The following SASH1 variants were observed in gnomAD, a reference collection of about 807,000 sequenced individuals.
SASH1 encodes SAM and SH3 domain containing 1.
SASH1 carries 44 observed loss-of-function variants against 125.2 expected under a neutral mutation model. The observed-to-expected ratio is 0.35, with a 90% CI of 0.28 to 0.45. SASH1 has a LOEUF of 0.45. Ranked by LOEUF, SASH1 falls within the 20% of genes least tolerant of loss-of-function variation. The pLI is 1.00. For synonymous variants in SASH1, 639 were observed against 649.1 expected (o/e 0.98, Z 0.24); for missense variants, 1,426 against 1,614.5 (o/e 0.88, Z 2.00).
At chr6:148,461,115 T>A (rs1221996969) in intron 4 of SASH1, among the ~76,000 whole-genome samples, 1 of 152,218 alleles carries the variant, frequency 6.6e-6, no homozygotes, top group East Asian at 1.9e-4. Flanking sequence ...GTGATCCTCT[T>A]AACAGTCCAT....
At chr6:148,478,576 G>T (rs1451089288) in intron 7 of SASH1, 1 of 152,242 alleles carries the variant, frequency 6.6e-6, no homozygotes, top group Non-Finnish European at 1.5e-5. Flanking sequence ...TAATGGGTAC[G>T]AAAGTATAGT....
chr6:148,538,126 G>A (rs1291896679), intron 16 of SASH1, among the ~76,000 whole-genome samples: 1 of 152,000 alleles, frequency 6.6e-6, no homozygotes, highest in African/African-American at 2.4e-5. Context: ...CCTTCCTTAC[G>A]CCAACTGTGG....
chr6:148,282,154 C>T (rs1013044467), intron 1 of SASH1, among the ~76,000 whole-genome samples: 2 of 152,156 alleles, frequency 1.3e-5, no homozygotes, highest in African/African-American at 2.4e-5. Context: ...GAAAGGTCTC[C>T]GCCCGGGGCT....
At chr6:148,372,586 AG>A (rs1782741290) in intron 1 of SASH1, among the ~76,000 whole-genome samples, 1 of 152,332 alleles carries the variant, frequency 6.6e-6, no homozygotes, top group African/African-American at 2.4e-5. Flanking sequence ...GCTACTTAGA[AG>A]GGAAAAAAAT....
chr6:148,477,884 A>G (rs994487365), intron 7 of SASH1, among the ~76,000 whole-genome samples: 3 of 151,816 alleles, frequency 2.0e-5, no homozygotes, highest in African/African-American at 7.2e-5. Flanking sequence ...TTTAGTAGAG[A>G]CAGTGTTTCA....
In SASH1 at chr6:148,532,618, A is replaced by C. The variant is rs1490484300; in HGVS notation, c.1565-179A>C. Among the ~76,000 whole-genome samples, 3 of 152,178 alleles carry C rather than the reference A, an allele frequency of 2.0e-5. No homozygotes were observed. The highest frequency in any genetic ancestry group is 7.2e-5 in the African/African-American group (3 of 41,426). On this transcript the variant is annotated intron_variant, in intron 13 of 19. Transcript: ENST00000367467. The surrounding 1 kb of genome is among the most constrained non-coding windows in gnomAD (Gnocchi z 4.7). ...GAGTCCCCTGTCCACTGAGGAGCTG[A>C]GGGATAGCACTCGGAGAATTCATAA...
chr6:148,401,287 A>C (rs1490477317), intron 2 of SASH1, among the ~76,000 whole-genome samples: 1 of 151,948 alleles, frequency 6.6e-6, no homozygotes, highest in Non-Finnish European at 1.5e-5. Context: ...CGGTCACATC[A>C]GTTATCCTGA....
the SASH1 span, among the ~76,000 whole-genome samples, chr6:148,205,379 T>C: frequency 5.3e-5 from 8 of 152,266 alleles, no homozygotes; most frequent in East Asian, 1.5e-3. Context: ...TTAGATAATT[T>C]TTTCATAAAC....
chr6:148,290,378 G>A (rs1314400263), intron 1 of SASH1, among the ~76,000 whole-genome samples: 5 of 151,214 alleles, frequency 3.3e-5, no homozygotes, highest in African/African-American at 7.3e-5. Flanking sequence ...AGGCCGAGGC[G>A]GGCAGATCAC....
At chr6:148,396,195 C>T (rs1404367060) in intron 2 of SASH1, among the ~76,000 whole-genome samples, 1 of 151,978 alleles carries the variant, frequency 6.6e-6, no homozygotes, top group Non-Finnish European at 1.5e-5. Context: ...AGGGCCATTG[C>T]TGGACGGGTG....
intron 7 of SASH1, among the ~76,000 whole-genome samples, chr6:148,482,973 G>A (rs536734414): frequency 6.6e-6 from 1 of 152,258 alleles, no homozygotes; most frequent in East Asian, 1.9e-4. Context: ...ACAGGCGTGA[G>A]CCACCGTGCC....
At chr6:148,440,134 C>T (rs762424595) in intron 2 of SASH1, 50 bp from the exon 3 acceptor site, 38 of 1,559,848 alleles carry the variant, frequency 2.4e-5, no homozygotes, top group Non-Finnish European at 3.1e-5. Context: ...GTCTTTCTCG[C>T]GTGTGACATG....
intron 4 of SASH1, among the ~76,000 whole-genome samples, chr6:148,442,025 T>C (rs1393113207): frequency 6.6e-6 from 1 of 152,260 alleles, no homozygotes; most frequent in Non-Finnish European, 1.5e-5. Flanking sequence ...TTTTGTCCTT[T>C]ATTTCTCTGT....
chr6:148,305,726 C>G (rs1780112105), intron 1 of SASH1, among the ~76,000 whole-genome samples: 1 of 151,370 alleles, frequency 6.6e-6, no homozygotes, highest in African/African-American at 2.4e-5. Context: ...GTGAGTTTGA[C>G]AAGAGTCAAA....
intron 1 of SASH1, among the ~76,000 whole-genome samples, chr6:148,318,611 G>T (rs762600307): frequency 2.7e-4 from 40 of 150,626 alleles, no homozygotes; most frequent in Non-Finnish European, 2.7e-4. Context: ...GGAGTGCAAT[G>T]GCATGATCTT....
At chr6:148,242,574 A>G in the SASH1 span, among the ~76,000 whole-genome samples, 2 of 152,196 alleles carry the variant, frequency 1.3e-5, no homozygotes, top group South Asian at 4.1e-4. Context: ...TCACACCTCA[A>G]TGTTTATCAC....
At chr6:148,514,484 A>AAAAAAAAAAAAAAG (rs1780329165) in intron 9 of SASH1, 28 bp downstream of exon 9, 1 of 1,314,446 alleles carries the variant, frequency 7.6e-7, no homozygotes, top group African/African-American at 1.6e-5. Flanking sequence ...AAAAAAAAAA[A>AAAAAAAAAAAAAAG]AAGGCAGACT....
chr6:148,531,715 A>C, intron 13 of SASH1, 54 bp downstream of exon 13: 1 of 1,377,486 alleles, frequency 7.3e-7, no homozygotes, highest in African/African-American at 1.5e-5. Context: ...TATCTGACAT[A>C]TACTGAGCAC....
chr6:148,368,150 TTAAA>T (rs1782547720), intron 1 of SASH1, among the ~76,000 whole-genome samples: 1 of 152,232 alleles, frequency 6.6e-6, no homozygotes, highest in African/African-American at 2.4e-5. Flanking sequence ...GCTTTATAGT[TTAAA>T]TAAGCAGTAA....
Sources: gnomAD v4.1 joint callset for allele counts (sites outside exome capture counted in the v4.1 genomes callset) on GRCh38, gnomAD v4.1.1 for gene constraint, Gnocchi (gnomAD v3.1) non-coding constraint, MANE v1.5 for transcripts, NCBI Gene and HGNC (gene_info 2026-07-23, HGNC 2026-07-21) for gene names.